The following LDLRAD4 variants were observed in gnomAD, a reference collection of about 807,000 sequenced individuals.
LDLRAD4 encodes the protein low-density lipoprotein receptor class A domain-containing protein 4.
A neutral mutation model predicts 17.0 loss-of-function variants in LDLRAD4; 5 were observed. That is an observed-to-expected ratio of 0.29 (90% CI 0.15 to 0.62). The LOEUF (loss-of-function observed/expected upper bound fraction) is 0.62. LDLRAD4 is among the 20% of genes least tolerant of loss of function. The probability of loss-of-function intolerance (pLI) is 0.84; values close to 1 mark genes in which losing one functional copy is unlikely to be tolerated. For synonymous variants in LDLRAD4, 168 were observed against 171.8 expected (o/e 0.98, Z 0.17); for missense variants, 340 against 424.7 (o/e 0.80, Z 1.75).
intron 1 of LDLRAD4, among the ~76,000 whole-genome samples, chr18:13,238,047 G>C (rs190783042): frequency 6.6e-6 from 1 of 152,272 alleles, no homozygotes; most frequent in East Asian, 1.9e-4. Flanking sequence ...AGTGGAGTGA[G>C]GCTGTTCCTA....
intron 1 of LDLRAD4, among the ~76,000 whole-genome samples, chr18:13,384,404 AT>A (rs2085631429): frequency 6.6e-6 from 1 of 152,232 alleles, no homozygotes; most frequent in African/African-American, 2.4e-5. Context: ...CCAACTTATC[AT>A]TTTTTGTGGT....
rs558476095 is a variant in LDLRAD4 at position 13,622,612 on chromosome 18, C to T, written c.336+1341C>T. 2.0e-5 allele frequency among the ~76,000 whole-genome samples: 3 copies of T among 152,306 alleles called. No individual in the cohort carries two copies. The highest frequency in any genetic ancestry group is 3.9e-4 in the East Asian group (2 of 5,172). ...CCTTTGTCTGGTGTCCACAGAGCTG[C>T]GCCATCCAGACGCACTGAACACTTT... On this transcript the variant is annotated intron_variant, in intron 4 of 5. Transcript: ENST00000359446. This position sits in a 1 kb window ranked among gnomAD's most constrained non-coding sequence, Gnocchi z 5.3.
chr18:13,402,095 A>G (rs1183935378), intron 2 of LDLRAD4, among the ~76,000 whole-genome samples: 1 of 152,228 alleles, frequency 6.6e-6, no homozygotes, highest in African/African-American at 2.4e-5. Flanking sequence ...TGCACTTTTC[A>G]TGATATTTCA....
intron 3 of LDLRAD4, among the ~76,000 whole-genome samples, chr18:13,591,115 A>G (rs556923877): frequency 9.2e-5 from 14 of 152,378 alleles, no homozygotes; most frequent in African/African-American, 2.4e-4. Flanking sequence ...GCAGAAAGAC[A>G]GAGCCCAAAT....
At chr18:13,420,828 G>A (rs1354721199) in intron 2 of LDLRAD4, 2 of 152,212 alleles carry the variant, frequency 1.3e-5, no homozygotes, top group Non-Finnish European at 2.9e-5. Flanking sequence ...GAACGGTCGC[G>A]ACACTGCAGA....
chr18:13,259,808 C>T (rs897897574), intron 1 of LDLRAD4, among the ~76,000 whole-genome samples: 2 of 152,156 alleles, frequency 1.3e-5, no homozygotes, highest in African/African-American at 4.8e-5. Context: ...TTCCCATCAC[C>T]TGTTTTCCTT....
At chr18:13,408,616 G>C (rs2088015370) in intron 2 of LDLRAD4, among the ~76,000 whole-genome samples, 1 of 151,894 alleles carries the variant, frequency 6.6e-6, no homozygotes, top group Non-Finnish European at 1.5e-5. Flanking sequence ...GGGATTACAG[G>C]CACCCGCCAC....
chr18:13,487,343 G>A (rs1283395708), intron 3 of LDLRAD4: 2 of 152,344 alleles, frequency 1.3e-5, no homozygotes, highest in Non-Finnish European at 2.9e-5. Flanking sequence ...TTGGGTCGGG[G>A]ATGCAGTCAG....
At chr18:13,313,054 G>A (rs985123998) in intron 1 of LDLRAD4, among the ~76,000 whole-genome samples, 2 of 152,116 alleles carry the variant, frequency 1.3e-5, no homozygotes, top group African/African-American at 2.4e-5. Flanking sequence ...GCTGCTGTGC[G>A]TGCTGTGTGG....
Position 13,456,051 on chromosome 18 carries a change from TGGA to T in LDLRAD4, c.181+17672_181+17674del, listed in dbSNP as rs879391321. On this transcript the variant is annotated intron_variant, in intron 3 of 5. Coordinates refer to ENST00000359446, the Ensembl canonical transcript of LDLRAD4. ...GTGTCCTTGCTTGGCTCCCAGCATA[TGGA>T]GGAGAAGTGAATGTGTCACTGCTGT... 7.4e-4 allele frequency among the ~76,000 whole-genome samples: 113 copies of T among 152,242 alleles called. 1 individual carries two copies. Among genetic ancestry groups the T allele is most frequent in the Admixed American group, 5.4e-3 (83 of 15,298 alleles).
intron 1 of LDLRAD4, among the ~76,000 whole-genome samples, chr18:13,357,561 A>G (rs752551726): frequency 6.6e-6 from 1 of 152,190 alleles, no homozygotes; most frequent in African/African-American, 2.4e-5. Flanking sequence ...TGGTAGCTGT[A>G]TTAGGAAGCT....
intron 3 of LDLRAD4, among the ~76,000 whole-genome samples, chr18:13,578,209 A>G (rs1450335169): frequency 6.6e-6 from 1 of 152,228 alleles, no homozygotes; most frequent in African/African-American, 2.4e-5. Flanking sequence ...GGTCTCAGCT[A>G]AAAGCACCTG....
At chr18:13,360,708 G>A (rs1407205361) in intron 1 of LDLRAD4, among the ~76,000 whole-genome samples, 1 of 152,218 alleles carries the variant, frequency 6.6e-6, no homozygotes, top group Non-Finnish European at 1.5e-5. Flanking sequence ...CAAAAGGCAG[G>A]CAAGGCCACT....
chr18:13,557,259 C>G lies in LDLRAD4; in HGVS notation c.182-63858C>G, dbSNP rs369080897. Among the ~76,000 whole-genome samples the G allele has an allele frequency of 3.9e-4, 59 of 152,252 alleles. No homozygotes were observed. The East Asian group carries it at 8.5e-3, about 22-fold the overall frequency. ...CTTACAGTGAGCTATGATCACAACA[C>G]TGTGCTCCAGCCTGGGTGACAGAGT... is the stretch of plus-strand genomic sequence containing the variant. On this transcript the variant is annotated intron_variant, in intron 3 of 5. Transcript: ENST00000359446.
intron 1 of LDLRAD4, among the ~76,000 whole-genome samples, chr18:13,271,523 C>T (rs1246602903): frequency 2.0e-5 from 3 of 152,188 alleles, no homozygotes; most frequent in Admixed American, 6.5e-5. Flanking sequence ...GAGTCCGGGT[C>T]GAAGGCCTCT....
Position 13,622,210 on chromosome 18 carries a change from TC to T in LDLRAD4, c.336+941del. On this transcript the variant is annotated intron_variant, in intron 4 of 5. Coordinates refer to ENST00000359446, the Ensembl canonical transcript of LDLRAD4. The surrounding 1 kb of genome is among the most constrained non-coding windows in gnomAD (Gnocchi z 5.3). ...TGGGGTGCAGCTGTCCAGGTGGGTT[TC>T]CTGGGGTGGCCGCTGGCCCTGGGAC... Among the ~76,000 whole-genome samples, 1 of 152,052 alleles carries T rather than the reference TC, an allele frequency of 6.6e-6. No homozygotes were observed. Among genetic ancestry groups the T allele is most frequent in the East Asian group, 1.9e-4 (1 of 5,162 alleles).
chr18:13,374,949 C>T (rs1005467912), intron 1 of LDLRAD4, among the ~76,000 whole-genome samples: 1 of 152,142 alleles, frequency 6.6e-6, no homozygotes, highest in Non-Finnish European at 1.5e-5. Flanking sequence ...GATTTGCAGG[C>T]GTCTAGCCAC....
At chr18:13,430,670 T>C (rs2090274499) in intron 2 of LDLRAD4, among the ~76,000 whole-genome samples, 3 of 152,362 alleles carry the variant, frequency 2.0e-5, no homozygotes, top group South Asian at 4.1e-4. Flanking sequence ...CACACATGCA[T>C]ACATACACAT....
intron 3 of LDLRAD4, among the ~76,000 whole-genome samples, chr18:13,541,021 C>A (rs982945903): frequency 6.6e-6 from 1 of 152,062 alleles, no homozygotes; most frequent in Non-Finnish European, 1.5e-5. Context: ...GTGTTGAGGC[C>A]CCTGGGGGCT....
Sources: allele counts gnomAD v4.1 joint callset (sites outside exome capture counted in the v4.1 genomes callset), GRCh38; gene constraint gnomAD v4.1.1; non-coding constraint Gnocchi (gnomAD v3.1); transcripts MANE v1.5; gene names NCBI Gene and HGNC (gene_info 2026-07-23, HGNC 2026-07-21).